UVRAG: variants seen among roughly 807,000 people sequenced by gnomAD.
UVRAG encodes the protein UV radiation resistance-associated gene protein.
In UVRAG, 19 loss-of-function variants were observed where a neutral mutation model predicts 78.0. That is an observed-to-expected ratio of 0.24 (90% CI 0.17 to 0.36). The LOEUF (loss-of-function observed/expected upper bound fraction) is 0.36, where lower values mean the gene tolerates loss of function less well. UVRAG is among the 10% of genes least tolerant of loss of function. The probability of loss-of-function intolerance (pLI) is 1.00; values close to 1 mark genes in which losing one functional copy is unlikely to be tolerated. For missense variants in UVRAG, 740 were observed against 853.8 expected (o/e 0.87, Z 1.66); for synonymous variants, 323 against 324.6 (o/e 1.00, Z 0.05).
chr11:75,900,345 A>C (rs756091814), intron 5 of UVRAG, among the ~76,000 whole-genome samples: 1 of 152,126 alleles, frequency 6.6e-6, no homozygotes, highest in Non-Finnish European at 1.5e-5. Context: ...TTCTGTTTCA[A>C]CTGTTGTACA....
In UVRAG at chr11:76,141,065, A is replaced by T. The variant is rs1392656702; in HGVS notation, c.1752A>T (p.Glu584Asp). Residue 584 changes from glutamate to aspartate, a missense_variant, in exon 15 of 15, where the codon GAA (glutamate) becomes GAT (aspartate). By Grantham distance (45) the Glu-to-Asp change is conservative (BLOSUM62 2). Transcript: ENST00000356136. ...ACGCGAATGTGCACCCTAGCCAAGA[A>T]CAAGGAGAAGCCCTCTCCGGGCACC... is the stretch of plus-strand genomic sequence containing the variant. ...GGHANVHPSQ[E>D]QGEALSGHRA... is the part of the protein sequence containing the mutation. 6.2e-7 allele frequency: 1 copy of T among 1,614,168 alleles called. No homozygotes were observed. Among genetic ancestry groups the T allele is most frequent in the Non-Finnish European group, 8.5e-7 (1 of 1,180,036 alleles).
chr11:76,129,321 T>C (rs934863830), intron 14 of UVRAG, among the ~76,000 whole-genome samples: 1 of 152,244 alleles, frequency 6.6e-6, no homozygotes, highest in Non-Finnish European at 1.5e-5. Flanking sequence ...AGGAATCTTG[T>C]TATTACAGCC....
At chr11:76,108,903 G>T (rs1186506611) in intron 13 of UVRAG, among the ~76,000 whole-genome samples, 4 of 151,994 alleles carry the variant, frequency 2.6e-5, no homozygotes, top group African/African-American at 9.7e-5. Context: ...TTTCATCTTG[G>T]TTGCCTACTA....
chr11:75,850,971 G>A (rs1034875814), intron 1 of UVRAG, among the ~76,000 whole-genome samples: 1 of 152,202 alleles, frequency 6.6e-6, no homozygotes, highest in African/African-American at 2.4e-5. Context: ...AATTGAAAGT[G>A]GACTTACCTC....
chr11:75,936,750 A>T (rs1046749138), intron 6 of UVRAG, among the ~76,000 whole-genome samples: 5 of 152,176 alleles, frequency 3.3e-5, no homozygotes, highest in Non-Finnish European at 7.3e-5. Context: ...TAATAATAAT[A>T]AAAAAACCCA....
intron 13 of UVRAG, among the ~76,000 whole-genome samples, chr11:76,074,200 C>T (rs1305932697): frequency 6.6e-6 from 1 of 152,152 alleles, no homozygotes; most frequent in Non-Finnish European, 1.5e-5. Context: ...TTGGGGTCCT[C>T]AGTCATTTTA....
intron 6 of UVRAG, chr11:75,942,140 T>C (rs1041366063): frequency 6.6e-6 from 1 of 152,434 alleles, no homozygotes. Flanking sequence ...TTGAATAAGT[T>C]CCCCCTATTT....
At chr11:76,014,348 G>C (rs1950108688) in intron 11 of UVRAG, among the ~76,000 whole-genome samples, 1 of 152,116 alleles carries the variant, frequency 6.6e-6, no homozygotes, top group South Asian at 2.1e-4. Context: ...GCTCCTTTCT[G>C]GAAGTTTTCA....
rs987842700 is a variant in UVRAG at position 75,908,247 on chromosome 11, G to A, written c.508-3707G>A. 2.6e-5 allele frequency among the ~76,000 whole-genome samples: 4 copies of A among 152,252 alleles called. No homozygotes were observed. The South Asian group carries it at 6.2e-4, about 24-fold the overall frequency. On this transcript the variant is annotated intron_variant, in intron 5 of 14. Coordinates refer to ENST00000356136, the MANE Select transcript of UVRAG (RefSeq NM_003369.4). ...TTCATCAATGTTTTAGCGTGTGTCA[G>A]AATTTCCTTCCTTTTTAATGGTGAA...
intron 14 of UVRAG, among the ~76,000 whole-genome samples, chr11:76,123,321 A>G (rs779233765): frequency 1.1e-4 from 16 of 152,224 alleles, no homozygotes; most frequent in Non-Finnish European, 2.4e-4. Flanking sequence ...GGAGGAAACT[A>G]AAAGTAATAA....
At chr11:75,898,788 A>G (rs1234350291) in intron 5 of UVRAG, among the ~76,000 whole-genome samples, 2 of 152,186 alleles carry the variant, frequency 1.3e-5, no homozygotes, top group Non-Finnish European at 2.9e-5. Flanking sequence ...TTTCAGGATG[A>G]AGATGCTGAA....
At chr11:76,032,137 A>G (rs1212820065) in intron 12 of UVRAG, among the ~76,000 whole-genome samples, 1 of 152,190 alleles carries the variant, frequency 6.6e-6, no homozygotes, top group East Asian at 1.9e-4. Context: ...AAGAGTAAAA[A>G]TTATTTTTAG....
intron 4 of UVRAG, among the ~76,000 whole-genome samples, chr11:75,886,505 G>C (rs1452661078): frequency 6.6e-6 from 1 of 152,048 alleles, no homozygotes. Flanking sequence ...TAAATTTCAG[G>C]ATCCTTCTAA....
chr11:75,901,573 A>T (rs1455819999), intron 5 of UVRAG, among the ~76,000 whole-genome samples: 2 of 151,906 alleles, frequency 1.3e-5, no homozygotes, highest in Admixed American at 1.3e-4. Flanking sequence ...TGGTACCACA[A>T]TCCATCTACT....
chr11:75,824,699 A>C (rs1334991997), intron 1 of UVRAG, among the ~76,000 whole-genome samples: 2 of 100,532 alleles, frequency 2.0e-5, no homozygotes, highest in African/African-American at 8.6e-5. Flanking sequence ...TTTGAGGCGG[A>C]GTCTCACTCT....
At chr11:75,866,455 G>A (rs1326574668) in intron 3 of UVRAG, among the ~76,000 whole-genome samples, 1 of 151,996 alleles carries the variant, frequency 6.6e-6, no homozygotes, top group Admixed American at 6.6e-5. Flanking sequence ...GGCTGAGGCA[G>A]GGGGATCCCT....
chr11:75,918,985 C>G (rs1215717946), intron 6 of UVRAG, among the ~76,000 whole-genome samples: 1 of 152,186 alleles, frequency 6.6e-6, no homozygotes, highest in Non-Finnish European at 1.5e-5. Flanking sequence ...CCAACTCTTT[C>G]TATAAGTGTT....
At chr11:76,108,795 C>T (rs1952019334) in intron 13 of UVRAG, among the ~76,000 whole-genome samples, 1 of 152,136 alleles carries the variant, frequency 6.6e-6, no homozygotes, top group Non-Finnish European at 1.5e-5. Context: ...TAAGGATTAT[C>T]TTTTGCTACC....
chr11:76,142,886 T>A lies in UVRAG; in HGVS notation c.*1473T>A, dbSNP rs12221774. The A allele has an allele frequency of 0.14, 21,995 of 152,366 alleles. 2,339 individuals carry two copies. Among genetic ancestry groups the A allele is most frequent in the African/African-American group, 0.31 (12,685 of 41,500 alleles). 9.4% of individuals were successfully genotyped at this position (152,366 alleles called of 1,614,324 possible). On this transcript the variant is annotated 3_prime_UTR_variant, in exon 15 of 15. Transcript: ENST00000356136. ...CTCACAGGCCTCACCGTCACTTTAT[T>A]TTGTGTCCAAGCATTCCTGGGCTCA... is the stretch of plus-strand genomic sequence containing the variant.
Sources: gnomAD v4.1 joint callset for allele counts (sites outside exome capture counted in the v4.1 genomes callset) on GRCh38, gnomAD v4.1.1 for gene constraint, MANE v1.5 for transcripts, NCBI Gene and HGNC (gene_info 2026-07-23, HGNC 2026-07-21) for gene names.